Variants in FAM98B observed in about 807,000 individuals in gnomAD.
The protein encoded by FAM98B is tRNA splicing ligase complex subunit 3B.
A neutral mutation model predicts 43.9 loss-of-function variants in FAM98B; 32 were observed. The observed-to-expected ratio is 0.73, with a 90% CI of 0.55 to 0.98. The LOEUF is 0.98. Ranked by LOEUF, FAM98B falls within the 50% of genes least tolerant of loss-of-function variation. FAM98B has a pLI of 0.00. For synonymous variants in FAM98B, 190 were observed against 174.0 expected, an observed-to-expected ratio of 1.09 and a Z score of -0.72; for missense variants, 514 against 522.9, an observed-to-expected ratio of 0.98 and a Z score of 0.17.
rs1158373808 is a variant in FAM98B, at chr15:38,478,493, C to T, written c.730-2799C>T. On this transcript the variant is annotated intron_variant, in intron 6 of 7. Transcript: ENST00000397609. ...TCCCTATTTTCGTGATAGAAAAATA[C>T]GTCTGATATTGTTGAGTGACTGTCA... is the stretch of plus-strand genomic sequence containing the variant. Among the ~76,000 whole-genome samples the T allele has an allele frequency of 2.6e-5, 4 of 151,990 alleles. No individual in the cohort carries two copies. The East Asian group carries it at 7.7e-4, about 29-fold the overall frequency.
chr15:38,487,443 A>G lies in FAM98B; in HGVS notation c.*2784A>G, dbSNP rs879465438. ...ATTGGGGAAGGTGAGCAGGCAGTTT[A>G]ATCTTGCCTTCAGGATCAGGCTGTC... On this transcript the variant is annotated 3_prime_UTR_variant, in exon 8 of 8. Coordinates refer to ENST00000397609, the MANE Select transcript of FAM98B (RefSeq NM_173611.4). 6 of 152,194 alleles carry G rather than the reference A, an allele frequency of 3.9e-5. No individual in the cohort carries two copies. Among genetic ancestry groups the G allele is most frequent in the Non-Finnish European group, 5.9e-5 (4 of 68,028 alleles). 9.4% of individuals were successfully genotyped at this position (152,194 alleles called of 1,614,324 possible). A position where few individuals can be genotyped will look rare whatever the true frequency, so the allele number is the denominator to read the frequency against.
Position 38,484,309 on chromosome 15 carries a change from C to T in FAM98B, c.952C>T (p.Pro318Ser), listed in dbSNP as rs943700551. Residue 318 changes from proline to serine, a missense_variant, in exon 8 of 8, where the codon CCA becomes TCA. Physicochemically the swap from Pro to Ser is moderately conservative, Grantham distance 74. Around this residue, in one of 2 missense-constraint regions of FAM98B, gnomAD observed 469 missense variants for 451.8 expected, o/e 1.04. Coordinates refer to ENST00000397609, the MANE Select transcript of FAM98B (RefSeq NM_173611.4). The stretch of plus-strand genomic sequence containing the variant: ...AGGCCGGCCGAATGAAATTGAACCA[C>T]CACCTCCAGAAATGCCCCCTTGGCA... ...RGGRPNEIEP[P>S]PPEMPPWQKR... 4 of 1,548,206 alleles carry T rather than the reference C, an allele frequency of 2.6e-6. No homozygotes were observed. The highest frequency in any genetic ancestry group is 4.9e-5 in the East Asian group (2 of 40,786).
In FAM98B at chr15:38,477,521, G is replaced by A. The variant is rs537897427; in HGVS notation, c.729+3223G>A. Among the ~76,000 whole-genome samples the A allele has an allele frequency of 5.9e-5, 9 of 151,998 alleles. No individual in the cohort carries two copies. In the East Asian group the frequency reaches 1.2e-3, roughly 20 times the overall value. ...TTCATTTACCTAGAAATCCTCCCTC[G>A]TGTGTTTTACATAGAGTCCCTTTCC... is the stretch of plus-strand genomic sequence containing the variant. On this transcript the variant is annotated intron_variant, in intron 6 of 7. Transcript: ENST00000397609.
intron 1 of FAM98B, among the ~76,000 whole-genome samples, chr15:38,462,882 A>G (rs1413992954): frequency 1.3e-5 from 2 of 152,162 alleles, no homozygotes; most frequent in African/African-American, 4.8e-5. Context: ...AGTCTAAGGC[A>G]GGAAGATGTT....
intron 6 of FAM98B, among the ~76,000 whole-genome samples, chr15:38,475,609 ACATCG>A (rs984329316): frequency 1.3e-5 from 2 of 151,920 alleles, no homozygotes; most frequent in South Asian, 2.1e-4. Flanking sequence ...TTCCATTGTC[ACATCG>A]CCTTCTGTCT....
intron 6 of FAM98B, among the ~76,000 whole-genome samples, chr15:38,475,220 G>A (rs567584308): frequency 4.6e-5 from 7 of 152,170 alleles, no homozygotes; most frequent in Admixed American, 2.6e-4. Context: ...GCAGGGCGAT[G>A]GTTTTGGCAT....
intron 4 of FAM98B, among the ~76,000 whole-genome samples, chr15:38,472,890 G>T (rs1289855771): frequency 1.3e-5 from 2 of 152,104 alleles, no homozygotes; most frequent in East Asian, 3.8e-4. Context: ...TAGTTAGGAG[G>T]ATAAATTATT....
rs941717054 is a variant in FAM98B at position 38,481,467 on chromosome 15, T to A, written c.897+8T>A. On this transcript the variant is annotated splice_region_variant and intron_variant, in intron 7 of 7. Coordinates refer to ENST00000397609, the MANE Select transcript of FAM98B (RefSeq NM_173611.4). ...GCATGTGCCATTAATAAGGTTGGTG[T>A]TTCTTTCAGTACAGTGGAAAATGAA... 1.2e-6 allele frequency: 2 copies of A among 1,614,092 alleles called. No individual in the cohort carries two copies. Among genetic ancestry groups the A allele is most frequent in the African/African-American group, 2.7e-5 (2 of 74,950 alleles).
chr15:38,479,560 T>C (rs927793212), intron 6 of FAM98B, among the ~76,000 whole-genome samples: 2 of 152,238 alleles, frequency 1.3e-5, no homozygotes, highest in African/African-American at 4.8e-5. Flanking sequence ...ATTCATGTCA[T>C]AGCATGTAAC....
chr15:38,463,856 T>C (rs1889988434), intron 1 of FAM98B, among the ~76,000 whole-genome samples, 176 bp from the exon 2 acceptor site: 1 of 152,220 alleles, frequency 6.6e-6, no homozygotes, highest in Admixed American at 6.5e-5. Context: ...AATACTTAGC[T>C]CTTCCATTGT....
intron 4 of FAM98B, 108 bp downstream of exon 4, chr15:38,470,513 C>T (rs1342574922): frequency 2.9e-6 from 3 of 1,030,920 alleles, no homozygotes; most frequent in African/African-American, 3.4e-5. Flanking sequence ...CATTTTATTT[C>T]AAGAGTTTAT....
chr15:38,462,889 T>A (rs902703534), intron 1 of FAM98B, among the ~76,000 whole-genome samples: 7 of 151,340 alleles, frequency 4.6e-5, no homozygotes, highest in African/African-American at 1.7e-4. Flanking sequence ...GGCAGGAAGA[T>A]GTTGTTGTAG....
intron 4 of FAM98B, 113 bp downstream of exon 4, chr15:38,470,518 G>A: frequency 1.0e-6 from 1 of 986,218 alleles, no homozygotes; most frequent in East Asian, 3.1e-5. Context: ...TATTTCAAGA[G>A]TTTATCTTCA....
In FAM98B at chr15:38,468,904, GTATT is replaced by G. The variant is rs200256275; in HGVS notation, c.353-1315_353-1312del. Among the ~76,000 whole-genome samples the G allele has an allele frequency of 3.8e-3, 572 of 152,200 alleles. 3 individuals are homozygous for G. Among genetic ancestry groups the G allele is most frequent in the African/African-American group, 0.013 (542 of 41,538 alleles). ...TTTTAACTAAACAAATAAAAACAAAGTATTTATTTATGTATTTTTTGAGATGGAA... is the reference window on the plus strand; with the variant it reads ...TTTTAACTAAACAAATAAAAACAAAGTATTTATGTATTTTTTGAGATGGAA... On this transcript the variant is annotated intron_variant, in intron 3 of 7. Transcript: ENST00000397609.
chr15:38,463,553 T>G (rs1889982783), intron 1 of FAM98B, among the ~76,000 whole-genome samples: 1 of 148,484 alleles, frequency 6.7e-6, no homozygotes, highest in Non-Finnish European at 1.5e-5. Context: ...GTAAAATAAA[T>G]AAAATAGGTT....
In FAM98B at chr15:38,481,586, C is replaced by A. The variant is rs754951308; in HGVS notation, c.897+127C>A. On this transcript the variant is annotated intron_variant, in intron 7 of 7. Transcript: ENST00000397609. ...TAGAAAAAAGAGTGGCAGGGGGGTT[C>A]AGTCTAGGCTTAGTTATGTTATTTT... 23 of 1,609,832 alleles carry A rather than the reference C, an allele frequency of 1.4e-5. No individual in the cohort carries two copies. The South Asian group carries it at 2.4e-4, about 17-fold the overall frequency.
chr15:38,473,539 A>G lies in FAM98B; in HGVS notation c.566A>G (p.His189Arg), dbSNP rs1890155283. ...ATTCTCTCAAAGGTCCAGAAAAATC[A>G]TGTGGGAAAACCACTGCTGAAAATG... ...KDILSKVQKN[H>R]VGKPLLKMDL... Residue 189 changes from histidine to arginine, a missense_variant, in exon 5 of 8, where the codon CAT becomes CGT. Physicochemically the swap from His to Arg is conservative, Grantham distance 29 (BLOSUM62 0). Coordinates refer to ENST00000397609, the MANE Select transcript of FAM98B (RefSeq NM_173611.4). 5 of 1,610,834 alleles carry G rather than the reference A, an allele frequency of 3.1e-6. No homozygotes were observed. In the African/African-American group the frequency reaches 6.7e-5, roughly 21 times the overall value.
chr15:38,487,107 C>T lies in FAM98B; in HGVS notation c.*2448C>T, dbSNP rs372711485. The T allele has an allele frequency of 2.0e-5, 3 of 151,980 alleles. No homozygotes were observed. The highest frequency in any genetic ancestry group is 3.9e-4 in the East Asian group (2 of 5,192). 9.4% of individuals were successfully genotyped at this position (151,980 alleles called of 1,614,324 possible). A position where few individuals can be genotyped will look rare whatever the true frequency, so the allele number is the denominator to read the frequency against. On this transcript the variant is annotated 3_prime_UTR_variant, in exon 8 of 8. Transcript: ENST00000397609. ...GGGAGTTTCTGCCTAAAGTAGTCATCTTTCCTCTCGACCGTATAAAGAGCA... is the reference window on the plus strand; with the variant it reads ...GGGAGTTTCTGCCTAAAGTAGTCATTTTTCCTCTCGACCGTATAAAGAGCA...
At chr15:38,466,182 T>TTGTGTG (rs35919139) in intron 3 of FAM98B, among the ~76,000 whole-genome samples, 2,060 of 147,784 alleles carry the variant, frequency 0.014, 50 homozygotes, top group African/African-American at 0.044. Context: ...GAGATGAAAT[T>TTGTGTG]TGTGTGTGTG....
Sources: gnomAD v4.1 joint callset for allele counts (sites outside exome capture counted in the v4.1 genomes callset) on GRCh38, gnomAD v4.1.1 for gene constraint, gnomAD v4.1.1 regional missense constraint, MANE v1.5 for transcripts, NCBI Gene and HGNC (gene_info 2026-07-23, HGNC 2026-07-21) for gene names.